The following CDH13 variants were observed in gnomAD, a reference collection of about 807,000 sequenced individuals.
CDH13 encodes cadherin-13.
Under a neutral mutation model 63.8 loss-of-function variants are expected in CDH13, and 24 were observed. The observed-to-expected ratio is 0.38, with a 90% confidence interval of 0.27 to 0.53. The LOEUF (loss-of-function observed/expected upper bound fraction) is 0.53, where lower values mean the gene tolerates loss of function less well. CDH13 is among the 20% of genes least tolerant of loss of function. The pLI is 0.85. For synonymous variants in CDH13, 503 were observed against 355.3 expected (o/e 1.42, Z -4.67); for missense variants, 1,049 against 903.1 (o/e 1.16, Z -2.07).
chr16:82,917,191 G>A (rs902875046), intron 2 of CDH13, among the ~76,000 whole-genome samples: 1 of 152,134 alleles, frequency 6.6e-6, no homozygotes, highest in Non-Finnish European at 1.5e-5. Flanking sequence ...AGAAAGGACC[G>A]CATTAACTCT....
At chr16:83,333,951 G>A (rs2090531888) in intron 5 of CDH13, among the ~76,000 whole-genome samples, 1 of 152,142 alleles carries the variant, frequency 6.6e-6, no homozygotes, top group African/African-American at 2.4e-5. Flanking sequence ...TTATCTTGCA[G>A]TTCTGTAAGC....
In CDH13 at chr16:83,202,712, A is replaced by G. The variant is rs549862457; in HGVS notation, c.484-14633A>G. ...AGTCAACGTGAATTTCCAGCCAGAA[A>G]GTCTTCAGTTGTTCATGTTGATTAC... On this transcript the variant is annotated intron_variant, in intron 4 of 13. Transcript: ENST00000567109. Among the ~76,000 whole-genome samples, 5 of 152,328 alleles carry G rather than the reference A, an allele frequency of 3.3e-5. No individual in the cohort carries two copies. In the East Asian group the frequency reaches 7.7e-4, roughly 24 times the overall value.
chr16:82,934,192 A>T (rs1299727611), intron 2 of CDH13, among the ~76,000 whole-genome samples: 3 of 152,162 alleles, frequency 2.0e-5, no homozygotes, highest in African/African-American at 7.2e-5. Context: ...GCATTTCCAT[A>T]CATCTTCTGA....
intron 6 of CDH13, among the ~76,000 whole-genome samples, chr16:83,352,315 T>C (rs1002284614): frequency 1.4e-4 from 22 of 152,224 alleles, no homozygotes; most frequent in African/African-American, 4.8e-4. Context: ...TCACTAGCTA[T>C]TGACTCCACC....
At chr16:82,662,367 A>C (rs778021147) in intron 1 of CDH13, among the ~76,000 whole-genome samples, 4 of 152,336 alleles carry the variant, frequency 2.6e-5, no homozygotes, top group Non-Finnish European at 5.9e-5. Context: ...TCACATGTGT[A>C]TTGTCTGAAC....
chr16:83,528,785 C>A (rs937153065), intron 7 of CDH13, among the ~76,000 whole-genome samples: 4 of 152,120 alleles, frequency 2.6e-5, no homozygotes, highest in African/African-American at 9.7e-5. Context: ...TTTCTAAATC[C>A]ATGTCTCGTT....
intron 10 of CDH13, among the ~76,000 whole-genome samples, chr16:83,708,301 G>A (rs953260027): frequency 6.6e-6 from 1 of 152,228 alleles, no homozygotes; most frequent in Non-Finnish European, 1.5e-5. Flanking sequence ...GCTTCCACAT[G>A]TTCTTCAAAT....
intron 6 of CDH13, among the ~76,000 whole-genome samples, chr16:83,415,308 G>C (rs1353743122): frequency 2.0e-5 from 3 of 152,098 alleles, no homozygotes; most frequent in African/African-American, 7.2e-5. Context: ...ACAAAGTAAA[G>C]CTTAAGACCA....
chr16:82,965,130 C>G (rs1022763084), intron 2 of CDH13, among the ~76,000 whole-genome samples: 23 of 152,224 alleles, frequency 1.5e-4, no homozygotes, highest in African/African-American at 5.1e-4. Context: ...ATACTGTTGT[C>G]TCACATTCCC....
At chr16:82,916,063 G>A (rs1361805703) in intron 2 of CDH13, among the ~76,000 whole-genome samples, 2 of 152,192 alleles carry the variant, frequency 1.3e-5, no homozygotes, top group East Asian at 1.9e-4. Flanking sequence ...TCCATAAAGA[G>A]GAGGATGTTT....
chr16:83,095,511 A>G (rs2034149549), intron 3 of CDH13, among the ~76,000 whole-genome samples: 1 of 152,198 alleles, frequency 6.6e-6, no homozygotes, highest in Non-Finnish European at 1.5e-5. Context: ...AAAGGCATTA[A>G]TAACTATGTT....
At position 82,759,653 on chromosome 16, in the gene CDH13, T is replaced by C. The variant is rs578058346; in HGVS notation, c.46-98709T>C. Among the ~76,000 whole-genome samples, 37 of 151,744 alleles carry C rather than the reference T, an allele frequency of 2.4e-4. No individual in the cohort carries two copies. In the South Asian group the frequency reaches 7.3e-3, roughly 30 times the overall value. On this transcript the variant is annotated intron_variant, in intron 1 of 13. Transcript: ENST00000567109. ...TCCATATGCAGTATTCCATAGAAAA[T>C]TGATATTTTGCCTTAACAAGAAGCG...
At chr16:83,676,998 T>C (rs1264512552) in intron 9 of CDH13, among the ~76,000 whole-genome samples, 1 of 152,252 alleles carries the variant, frequency 6.6e-6, no homozygotes, top group African/African-American at 2.4e-5. Flanking sequence ...ATCAAATCTC[T>C]TGACTTATTT....
chr16:83,748,867 C>T (rs531117053), intron 11 of CDH13, among the ~76,000 whole-genome samples: 8 of 152,272 alleles, frequency 5.3e-5, no homozygotes, highest in African/African-American at 1.2e-4. Context: ...CAAAGTGCCA[C>T]GATTGTTCTC....
At chr16:83,165,215 A>T (rs1182102613) in intron 4 of CDH13, among the ~76,000 whole-genome samples, 1 of 152,126 alleles carries the variant, frequency 6.6e-6, no homozygotes, top group Non-Finnish European at 1.5e-5. Flanking sequence ...TCAAGTGGGG[A>T]CATCTCAGTA....
At chr16:82,673,048 C>T (rs1913479847) in intron 1 of CDH13, among the ~76,000 whole-genome samples, 1 of 118,412 alleles carries the variant, frequency 8.4e-6, no homozygotes, top group Admixed American at 1.2e-4. Context: ...TCCTGTGTTG[C>T]CCAGGCTGGT....
At chr16:83,388,167 T>G (rs1436950766) in intron 6 of CDH13, among the ~76,000 whole-genome samples, 1 of 151,906 alleles carries the variant, frequency 6.6e-6, no homozygotes, top group Admixed American at 6.6e-5. Context: ...AGAATCACAT[T>G]TCTGGGCTAG....
At chr16:83,150,222 C>T (rs76311654) in intron 4 of CDH13, among the ~76,000 whole-genome samples, 2,078 of 152,238 alleles carry the variant, frequency 0.014, 43 homozygotes, top group African/African-American at 0.047. Context: ...CTCCATCCAC[C>T]AATGAGAGTG....
At chr16:83,087,611 C>A (rs72796281) in intron 3 of CDH13, among the ~76,000 whole-genome samples, 1 of 135,380 alleles carries the variant, frequency 7.4e-6, no homozygotes, top group African/African-American at 2.8e-5. Flanking sequence ...GAGGTCACAG[C>A]GAGCCAAAAC....
Sources: gnomAD v4.1 joint callset for allele counts (sites outside exome capture counted in the v4.1 genomes callset) on GRCh38, gnomAD v4.1.1 for gene constraint, MANE v1.5 for transcripts, NCBI Gene and HGNC (gene_info 2026-07-23, HGNC 2026-07-21) for gene names.